The following ASPG variants were observed in gnomAD, a reference collection of about 807,000 sequenced individuals.
The protein encoded by ASPG is 60 kDa lysophospholipase.
A neutral mutation model predicts 63.2 loss-of-function variants in ASPG; 53 were observed. That is an observed-to-expected ratio of 0.84 (90% CI 0.67 to 1.05). The LOEUF is 1.05. Among genes scored for constraint, ASPG ranks in the 50% least tolerant of loss-of-function variants. ASPG has a pLI of 0.00. For missense variants in ASPG, 741 were observed against 794.4 expected, an observed-to-expected ratio of 0.93 and a Z score of 0.81; for synonymous variants, 370 against 355.0, an observed-to-expected ratio of 1.04 and a Z score of -0.48.
intron 10 of ASPG, 112 bp from the exon 11 acceptor site, chr14:104,106,687 T>G: frequency 1.0e-6 from 1 of 958,158 alleles, no homozygotes; most frequent in Non-Finnish European, 1.6e-6. Flanking sequence ...CGCCCTGGGA[T>G]CTGCGGGCCC....
intron 1 of ASPG, among the ~76,000 whole-genome samples, chr14:104,090,182 G>A (rs964028453): frequency 3.9e-5 from 6 of 152,092 alleles, no homozygotes; most frequent in African/African-American, 1.2e-4. Flanking sequence ...GGCTGATTTC[G>A]CCTGTGGTGC....
rs1294985502 is a variant in ASPG, at chr14:104,107,226, G to T, written c.1314G>T (p.Leu438=). 2 of 1,603,574 alleles carry T rather than the reference G, an allele frequency of 1.2e-6. No homozygotes were observed. Among genetic ancestry groups the T allele is most frequent in the South Asian group, 2.2e-5 (2 of 89,916 alleles). ...GLVDFNGQTP[L]HAAARGGHTE... ...TGGACTTTAACGGCCAAACCCCACT[G>T]CACGCGGCCGCCCGGGGAGGCCACA... The change falls in exon 12 of 16, where the codon CTG becomes CTT. Residue 438 remains leucine (L), a synonymous_variant. Transcript: ENST00000551177.
intron 1 of ASPG, among the ~76,000 whole-genome samples, chr14:104,089,222 G>T (rs1224202873): frequency 6.6e-6 from 1 of 151,996 alleles, no homozygotes; most frequent in African/African-American, 2.4e-5. Context: ...AAAAGAAATT[G>T]CCCCAGCTGA....
At position 104,098,924 on chromosome 14, in the gene ASPG, A is replaced by G; in HGVS notation, c.585A>G (p.Ala195=). The G allele has an allele frequency of 6.2e-7, 1 of 1,609,074 alleles. No homozygotes were observed. The highest frequency in any genetic ancestry group is 8.5e-7 in the Non-Finnish European group (1 of 1,178,392). ...RATKVDARRF[A]AFCSPNLLPL... ...CCAAGGTAGACGCTCGGAGGTTCGC[A>G]GCTTTCTGCTCCCCGAACCTGCTGC... The change falls in exon 6 of 16, where the codon GCA becomes GCG. Residue 195 remains alanine (A), a synonymous_variant. Transcript: ENST00000551177.
intron 13 of ASPG, 87 bp from the exon 14 acceptor site, chr14:104,111,415 G>T: frequency 8.0e-7 from 1 of 1,257,722 alleles, no homozygotes. Context: ...TTGTAAGAGC[G>T]TCCAGGCCAC....
At chr14:104,106,990 C>T (rs754960581) in intron 11 of ASPG, 96 bp downstream of exon 11, 283 of 1,339,134 alleles carry the variant, frequency 2.1e-4, no homozygotes, top group Non-Finnish European at 2.7e-4. Context: ...CACCCACTGA[C>T]CACACTAAGC....
intron 5 of ASPG, among the ~76,000 whole-genome samples, chr14:104,097,978 AG>A (rs1659339495): frequency 7.3e-6 from 1 of 137,014 alleles, no homozygotes; most frequent in African/African-American, 2.8e-5. Context: ...TCTGCGTTAG[AG>A]ATGCGTATGG....
Position 104,085,848 on chromosome 14 carries a change from C to T in ASPG, c.78C>T (p.Leu26=). Residue 26 remains leucine (L), a synonymous_variant, in exon 1 of 16, where the codon CTC becomes CTT. Transcript: ENST00000551177. ...GCACCATTGGCATGCGGAGTGAGCT[C>T]GGCGGTGAGTCCGAGACCCTGGGCG... is the stretch of plus-strand genomic sequence containing the variant. The part of the protein sequence containing the change: ...TGGTIGMRSE[L]GVLVPGTGLA... The T allele has an allele frequency of 1.3e-6, 2 of 1,584,986 alleles. No homozygotes were observed. Among genetic ancestry groups the T allele is most frequent in the Non-Finnish European group, 1.7e-6 (2 of 1,172,070 alleles).
Position 104,113,758 on chromosome 14 carries a change from C to T in ASPG, c.*1214C>T, listed in dbSNP as rs1477939047. 6.6e-6 allele frequency: 1 copy of T among 152,346 alleles called. No individual in the cohort carries two copies. Among genetic ancestry groups the T allele is most frequent in the Non-Finnish European group, 1.5e-5 (1 of 68,116 alleles). The allele number at this position is 152,346 out of a possible 1,614,324, so 9.4% of individuals were successfully genotyped here. ...CGCTGGCATCCTTGCTGTCCTCACC[C>T]CGACACAGGTGTGCCTGGGCCTTGC... On this transcript the variant is annotated 3_prime_UTR_variant, in exon 16 of 16. Coordinates refer to ENST00000551177, the MANE Select transcript of ASPG (RefSeq NM_001080464.3).
rs368071297 is a variant in ASPG, at chr14:104,092,691, C to G, written c.141C>G (p.Asp47Glu). 2.0e-6 allele frequency: 3 copies of G among 1,537,880 alleles called. No homozygotes were observed. The highest frequency in any genetic ancestry group is 2.6e-6 in the Non-Finnish European group (3 of 1,147,668). Residue 47 changes from aspartate to glutamate, a missense_variant, in exon 2 of 16, where the codon GAC becomes GAG. Asp to Glu is a conservative substitution (Grantham distance 45). Transcript: ENST00000551177. ...AILRTLPMFH[D>E]EEHARARGLS... ...TGAGGACACTGCCCATGTTCCATGA[C>G]GAGGAGCACGCCCGAGCCCGCGGCC...
At chr14:104,106,983 C>T in intron 11 of ASPG, 89 bp downstream of exon 11, 2 of 1,380,230 alleles carry the variant, frequency 1.4e-6, no homozygotes, top group Non-Finnish European at 9.9e-7. Flanking sequence ...TTTCATCCAC[C>T]CACTGACCAC....
intron 6 of ASPG, among the ~76,000 whole-genome samples, chr14:104,101,261 G>A (rs1204713552): frequency 6.6e-6 from 1 of 152,228 alleles, no homozygotes; most frequent in East Asian, 1.9e-4. Flanking sequence ...GGCCCCTGGG[G>A]AGGGGCACAG....
intron 3 of ASPG, among the ~76,000 whole-genome samples, chr14:104,094,288 G>C (rs1355443130): frequency 6.6e-6 from 1 of 152,060 alleles, no homozygotes; most frequent in East Asian, 1.9e-4. Context: ...CAAGCTCCTT[G>C]TGCGTGGCTG....
Position 104,110,710 on chromosome 14 carries a change from C to T in ASPG, c.1521-792C>T. ...GGTAGGCGCAGAGTCCCTAAGGGCC[C>T]TCCAGAGGAGGGGGCAGCCCCTTCC... is the stretch of plus-strand genomic sequence containing the variant. On this transcript the variant is annotated intron_variant, in intron 13 of 15. Coordinates refer to ENST00000551177, the MANE Select transcript of ASPG (RefSeq NM_001080464.3). The surrounding 1 kb of genome is among the most constrained non-coding windows in gnomAD (Gnocchi z 4.7). 3.0e-6 allele frequency: 3 copies of T among 985,370 alleles called. No homozygotes were observed. The highest frequency in any genetic ancestry group is 2.4e-6 in the Non-Finnish European group (2 of 829,880). 61.0% of individuals were successfully genotyped at this position (985,370 alleles called of 1,614,324 possible).
rs2037416644 is a variant in ASPG, at chr14:104,112,729, C to T, written c.*185C>T. 20 of 1,328,928 alleles carry T rather than the reference C, an allele frequency of 1.5e-5. No individual in the cohort carries two copies. Among genetic ancestry groups the T allele is most frequent in the African/African-American group, 2.9e-5 (2 of 68,394 alleles). 82.3% of individuals were successfully genotyped at this position (1,328,928 alleles called of 1,614,324 possible). Reference sequence around the variant, plus strand: ...CCCTCACCAGGTCTGTACAGCCTGGCTCTGAGAGGCTCTGTCTGGGTCCGG... The same window carrying T: ...CCCTCACCAGGTCTGTACAGCCTGGTTCTGAGAGGCTCTGTCTGGGTCCGG... On this transcript the variant is annotated 3_prime_UTR_variant, in exon 16 of 16. Coordinates refer to ENST00000551177, the MANE Select transcript of ASPG (RefSeq NM_001080464.3).
In ASPG at chr14:104,111,939, T is replaced by C. The variant is rs1596117656; in HGVS notation, c.1640T>C (p.Leu547Pro). 2.6e-6 allele frequency: 4 copies of C among 1,555,986 alleles called. No homozygotes were observed. Among genetic ancestry groups the C allele is most frequent in the Admixed American group, 1.9e-5 (1 of 51,854 alleles). Residue 547 changes from leucine to proline, a missense_variant, in exon 15 of 16, where the codon CTG becomes CCG. Coordinates refer to ENST00000551177, the MANE Select transcript of ASPG (RefSeq NM_001080464.3). ...ALHVAEAAGNLAVVAFLQSLE... is the reference protein window; with the variant it reads ...ALHVAEAAGNPAVVAFLQSLE... ...CCATAGGCAGAGGCAGCCGGGAACC[T>C]GGCAGTGGTGGCCTTTCTACAGAGC...
At chr14:104,085,934 T>C in intron 1 of ASPG, 82 bp downstream of exon 1, 2 of 1,337,930 alleles carry the variant, frequency 1.5e-6, no homozygotes, top group Non-Finnish European at 2.0e-6. Flanking sequence ...CCCACGGGGG[T>C]CGTTGGGGAG....
chr14:104,109,899 G>A lies in ASPG; in HGVS notation c.1520+584G>A. The A allele has an allele frequency of 2.1e-6, 2 of 962,998 alleles. No individual in the cohort carries two copies. Among genetic ancestry groups the A allele is most frequent in the Non-Finnish European group, 2.5e-6 (2 of 809,566 alleles). The allele number at this position is 962,998 out of a possible 1,614,324, so 59.7% of individuals were successfully genotyped here. The stretch of plus-strand genomic sequence containing the variant: ...CGAGTGACCACCGAGGCAGGCTCAG[G>A]CCTTCTGACATCATGTTGTTGTTGG... On this transcript the variant is annotated intron_variant, in intron 13 of 15. Transcript: ENST00000551177. This position sits in a 1 kb window ranked among gnomAD's most constrained non-coding sequence, Gnocchi z 4.8.
In ASPG at chr14:104,085,848, C is replaced by G. The variant is rs1367744509; in HGVS notation, c.78C>G (p.Leu26=). 5 of 1,584,874 alleles carry G rather than the reference C, an allele frequency of 3.2e-6. No individual in the cohort carries two copies. The highest frequency in any genetic ancestry group is 4.3e-6 in the Non-Finnish European group (5 of 1,172,078). Residue 26 remains leucine (L), a synonymous_variant, in exon 1 of 16, where the codon CTC becomes CTG. Transcript: ENST00000551177. ...GCACCATTGGCATGCGGAGTGAGCTCGGCGGTGAGTCCGAGACCCTGGGCG... is the reference window on the plus strand; with the variant it reads ...GCACCATTGGCATGCGGAGTGAGCTGGGCGGTGAGTCCGAGACCCTGGGCG... ...TGGTIGMRSE[L]GVLVPGTGLA...
Sources: gnomAD v4.1 joint callset for allele counts (sites outside exome capture counted in the v4.1 genomes callset) on GRCh38, gnomAD v4.1.1 for gene constraint, Gnocchi (gnomAD v3.1) non-coding constraint, MANE v1.5 for transcripts, NCBI Gene and HGNC (gene_info 2026-07-23, HGNC 2026-07-21) for gene names.